The following HDAC9 variants were observed in gnomAD, a reference collection of about 807,000 sequenced individuals.
The protein encoded by HDAC9 is MEF-2 interacting transcription repressor (MITR) protein.
In HDAC9, 41 loss-of-function variants were observed where a neutral mutation model predicts 139.4. That is an observed-to-expected ratio of 0.29 (90% CI 0.23 to 0.38). The LOEUF is 0.38. Ranked by LOEUF, HDAC9 falls within the 10% of genes least tolerant of loss-of-function variation. The pLI is 1.00. For synonymous variants in HDAC9, 517 were observed against 476.2 expected (o/e 1.09, Z -1.12); for missense variants, 1,147 against 1,297.0 (o/e 0.88, Z 1.78).
chr7:18,157,699 G>A (rs1787310974), intron 1 of HDAC9, among the ~76,000 whole-genome samples: 1 of 152,106 alleles, frequency 6.6e-6, no homozygotes, highest in Non-Finnish European at 1.5e-5. Context: ...AGTGTGTCTT[G>A]TATGTGCTCA....
chr7:18,107,297 T>TA (rs2128078736), intron 1 of HDAC9, among the ~76,000 whole-genome samples: 2 of 152,256 alleles, frequency 1.3e-5, no homozygotes, highest in Middle Eastern at 3.4e-3. Context: ...TGTCTTTCAT[T>TA]AAAAAAATCT....
intron 8 of HDAC9, among the ~76,000 whole-genome samples, chr7:18,637,770 CAT>C (rs1388534776): frequency 6.6e-6 from 1 of 152,002 alleles, no homozygotes; most frequent in Non-Finnish European, 1.5e-5. Context: ...TGATGGCTAA[CAT>C]GTGGTTTTCT....
intron 1 of HDAC9, among the ~76,000 whole-genome samples, chr7:18,138,527 G>GAGAGGTGT (rs373098473): frequency 1.4e-5 from 2 of 142,586 alleles, no homozygotes; most frequent in Non-Finnish European, 3.0e-5. Flanking sequence ...GAGAGAGAGA[G>GAGAGGTGT]GTGTGTGTGT....
At chr7:18,894,823 A>G (rs73684308) in intron 22 of HDAC9, among the ~76,000 whole-genome samples, 3,751 of 152,264 alleles carry the variant, frequency 0.025, 153 homozygotes, top group African/African-American at 0.085. Flanking sequence ...TTGTGAAAGA[A>G]TTGAGTTCTA....
At chr7:18,323,636 G>C (rs978771010) in intron 1 of HDAC9, among the ~76,000 whole-genome samples, 1 of 152,124 alleles carries the variant, frequency 6.6e-6, no homozygotes, top group African/African-American at 2.4e-5. Context: ...AAGTTTTGGG[G>C]ATCAACAATG....
At chr7:18,604,815 A>T (rs929462832) in intron 6 of HDAC9, among the ~76,000 whole-genome samples, 1 of 152,112 alleles carries the variant, frequency 6.6e-6, no homozygotes, top group Non-Finnish European at 1.5e-5. Context: ...CATGTTGCCA[A>T]CTTCCCATTA....
chr7:18,397,479 A>G (rs970978127), intron 1 of HDAC9, among the ~76,000 whole-genome samples: 36 of 152,110 alleles, frequency 2.4e-4, no homozygotes, highest in African/African-American at 8.2e-4. Flanking sequence ...TGGGAGATGG[A>G]TCGTACACTT....
intron 2 of HDAC9, among the ~76,000 whole-genome samples, chr7:18,536,361 A>C (rs911752533): frequency 6.6e-6 from 1 of 152,196 alleles, no homozygotes; most frequent in Non-Finnish European, 1.5e-5. Flanking sequence ...GCTCCCACCT[A>C]AACCACAAAT....
intron 2 of HDAC9, 43 bp downstream of exon 2, chr7:18,496,367 G>T: frequency 6.4e-7 from 1 of 1,562,952 alleles, no homozygotes; most frequent in Non-Finnish European, 8.8e-7. Flanking sequence ...GGTTTGAAAG[G>T]GGGCTGGCTT....
chr7:18,732,072 T>C (rs1395826588), intron 13 of HDAC9, among the ~76,000 whole-genome samples: 6 of 149,738 alleles, frequency 4.0e-5, no homozygotes, highest in South Asian at 2.2e-4. Context: ...GTTGGTCAGG[T>C]TGGTCTCCAA....
chr7:18,763,532 A>G (rs565417745), intron 15 of HDAC9, among the ~76,000 whole-genome samples: 18 of 152,306 alleles, frequency 1.2e-4, no homozygotes, highest in African/African-American at 4.1e-4. Flanking sequence ...AAATAAATCA[A>G]TCTAAACATA....
chr7:18,097,357 A>G (rs944663478), intron 1 of HDAC9, among the ~76,000 whole-genome samples: 3 of 151,860 alleles, frequency 2.0e-5, no homozygotes, highest in African/African-American at 4.8e-5. Context: ...GCAACATTGG[A>G]TGTCATCTGT....
intron 7 of HDAC9, 23 bp downstream of exon 7, chr7:18,629,504 T>C: frequency 1.2e-6 from 2 of 1,600,070 alleles, no homozygotes; most frequent in Non-Finnish European, 1.7e-6. Context: ...TGGGCAGACC[T>C]ATGAATGCTG....
intron 1 of HDAC9, among the ~76,000 whole-genome samples, chr7:18,340,374 T>C (rs1197198942): frequency 1.3e-5 from 2 of 151,560 alleles, no homozygotes; most frequent in Non-Finnish European, 3.0e-5. Flanking sequence ...TGATTATTGA[T>C]ATGGTTAGGT....
intron 1 of HDAC9, among the ~76,000 whole-genome samples, chr7:18,487,708 T>C (rs1277451180): frequency 6.6e-6 from 1 of 152,116 alleles, no homozygotes; most frequent in Non-Finnish European, 1.5e-5. Flanking sequence ...GATCGAATTA[T>C]GAAGTCAGAA....
chr7:18,625,039 A>C (rs955369618), intron 6 of HDAC9, among the ~76,000 whole-genome samples: 1 of 152,080 alleles, frequency 6.6e-6, no homozygotes, highest in African/African-American at 2.4e-5. Flanking sequence ...TCAAAACCTT[A>C]TGTCCTCAGA....
chr7:18,465,099 A>G (rs1794159357), intron 1 of HDAC9, among the ~76,000 whole-genome samples: 1 of 152,006 alleles, frequency 6.6e-6, no homozygotes, highest in Non-Finnish European at 1.5e-5. Flanking sequence ...AGTTCTTTCT[A>G]CAAGTGTTGA....
intron 1 of HDAC9, among the ~76,000 whole-genome samples, chr7:18,341,007 T>C (rs1441677180): frequency 6.6e-6 from 1 of 151,628 alleles, no homozygotes; most frequent in Non-Finnish European, 1.5e-5. Flanking sequence ...GACTTTTTTT[T>C]TTCTTTTAGT....
At chr7:18,599,456 C>G (rs1833359540) in intron 6 of HDAC9, among the ~76,000 whole-genome samples, 1 of 152,136 alleles carries the variant, frequency 6.6e-6, no homozygotes, top group South Asian at 2.1e-4. Flanking sequence ...CTGTGCCCCA[C>G]CTATTCATCC....
Sources: gnomAD v4.1 joint callset for allele counts (sites outside exome capture counted in the v4.1 genomes callset) on GRCh38, gnomAD v4.1.1 for gene constraint, MANE v1.5 for transcripts, NCBI Gene and HGNC (gene_info 2026-07-23, HGNC 2026-07-21) for gene names.